The following VAV3 variants were observed in gnomAD, a reference collection of about 807,000 sequenced individuals.
VAV3 encodes vav guanine nucleotide exchange factor 3.
A neutral mutation model predicts 131.2 loss-of-function variants in VAV3; 94 were observed. That is an observed-to-expected ratio of 0.72 (90% CI 0.61 to 0.85). The LOEUF (loss-of-function observed/expected upper bound fraction) is 0.85, where lower values mean the gene tolerates loss of function less well. Among genes scored for constraint, VAV3 ranks in the 40% least tolerant of loss-of-function variants. VAV3 has a pLI of 0.00. For synonymous variants in VAV3, 349 were observed against 342.0 expected, an observed-to-expected ratio of 1.02 and a Z score of -0.22; for missense variants, 939 against 1,002.7, an observed-to-expected ratio of 0.94 and a Z score of 0.86.
chr1:107,923,121 G>C (rs1012431396), intron 1 of VAV3, among the ~76,000 whole-genome samples: 2 of 151,840 alleles, frequency 1.3e-5, no homozygotes, highest in South Asian at 4.1e-4. Flanking sequence ...ATCCCTTCCT[G>C]TCTCTAGCAT....
intron 18 of VAV3, chr1:107,686,034 T>TGGGGGGGGGGGGGGGGGGGGGGG (rs554715740): frequency 1.1e-4 from 9 of 85,068 alleles, no homozygotes; most frequent in Non-Finnish European, 1.1e-4. Context: ...GTTGGGGGGG[T>TGGGGGGGGGGGGGGGGGGGGGGG]GGGGGGGGAG....
At chr1:107,702,064 C>T (rs2101834719) in intron 17 of VAV3, among the ~76,000 whole-genome samples, 1 of 152,272 alleles carries the variant, frequency 6.6e-6, no homozygotes, top group East Asian at 1.9e-4. Flanking sequence ...ATTAGTCCGT[C>T]CTCCCACTGC....
chr1:107,617,619 G>A lies in VAV3; in HGVS notation c.1928C>T (p.Ala643Val), dbSNP rs1653256954. The change falls in exon 21 of 27, where the codon GCA becomes GTA. Residue 643 changes from alanine (A) to valine (V), a missense_variant. Physicochemically the swap from Ala to Val is moderately conservative, Grantham distance 64. Coordinates refer to ENST00000370056, the MANE Select transcript of VAV3 (RefSeq NM_006113.5). ...TGGAAAAAATCCAACCTCTCCAGAT[G>A]CTAAATTTCTGCCCTAAGGAAAAAA... is the stretch of plus-strand genomic sequence containing the variant. ...HSLFWQGRNL[A>V]SGEVGFFPSD... 6.2e-7 allele frequency: 1 copy of A among 1,604,876 alleles called. No individual in the cohort carries two copies. The highest frequency in any genetic ancestry group is 1.4e-5 in the African/African-American group (1 of 73,200).
At chr1:107,781,693 G>A (rs913447851) in intron 2 of VAV3, among the ~76,000 whole-genome samples, 1 of 152,124 alleles carries the variant, frequency 6.6e-6, no homozygotes, top group African/African-American at 2.4e-5. Context: ...CCCCTGCTGT[G>A]AGACTAGAAA....
chr1:107,863,187 T>G (rs925002996), intron 2 of VAV3, among the ~76,000 whole-genome samples: 1 of 152,168 alleles, frequency 6.6e-6, no homozygotes, highest in Admixed American at 6.6e-5. Context: ...CCTCGCCAGG[T>G]TTCCAAGGCT....
At chr1:107,828,475 C>T (rs1668108177) in intron 2 of VAV3, among the ~76,000 whole-genome samples, 1 of 152,106 alleles carries the variant, frequency 6.6e-6, no homozygotes, top group African/African-American at 2.4e-5. Context: ...ACATGCATCT[C>T]ACTTAAGCCA....
rs116467287 is a variant in VAV3 at position 107,846,000 on chromosome 1, A to C, written c.321+28901T>G. 7.8e-3 allele frequency among the ~76,000 whole-genome samples: 1,195 copies of C among 152,270 alleles called. 14 individuals carry two copies. The highest frequency in any genetic ancestry group is 0.017 in the African/African-American group (693 of 41,568). On this transcript the variant is annotated intron_variant, in intron 2 of 26. Transcript: ENST00000370056. Reference sequence around the variant, plus strand: ...AGCAACCCCAAGACAAATAATTATCAGATCCCCAAGGCAGAAATGAAGGAA... The same window carrying C: ...AGCAACCCCAAGACAAATAATTATCCGATCCCCAAGGCAGAAATGAAGGAA...
At chr1:107,704,730 A>G in intron 16 of VAV3, 80 bp from the exon 17 acceptor site, 1 of 1,244,412 alleles carries the variant, frequency 8.0e-7, no homozygotes, top group Non-Finnish European at 1.2e-6. Flanking sequence ...AAGAAGAAAA[A>G]AAGTATCAAC....
At position 107,964,717 on chromosome 1, in the gene VAV3, C is replaced by T. The variant is rs1053677347; in HGVS notation, c.153G>A (p.Arg51=). The change falls in exon 1 of 27, where the codon CGG becomes CGA. Residue 51 remains arginine, a synonymous_variant. Transcript: ENST00000370056. ...VLLCQLLNNL[R]AHSINLKEIN... ...TCTCCTTCAGGTTGATGGAGTGCGC[C>T]CGGAGGTTGTTAAGCAGCTGGCAGA... 8 of 1,613,998 alleles carry T rather than the reference C, an allele frequency of 5.0e-6. No homozygotes were observed. Among genetic ancestry groups the T allele is most frequent in the Non-Finnish European group, 6.8e-6 (8 of 1,180,014 alleles).
At chr1:107,729,803 T>C (rs573396337) in intron 15 of VAV3, among the ~76,000 whole-genome samples, 1 of 152,304 alleles carries the variant, frequency 6.6e-6, no homozygotes, top group South Asian at 2.1e-4. Flanking sequence ...AAATAATAAA[T>C]ACAAAAATTA....
At chr1:107,681,242 T>TAA (rs200596420) in intron 19 of VAV3, among the ~76,000 whole-genome samples, 6 of 151,558 alleles carry the variant, frequency 4.0e-5, no homozygotes, top group African/African-American at 1.5e-4. Flanking sequence ...AACTGTAGGA[T>TAA]AAAAAAAAAT....
chr1:107,732,308 G>C (rs1349043616), intron 15 of VAV3, among the ~76,000 whole-genome samples: 1 of 152,204 alleles, frequency 6.6e-6, no homozygotes, highest in Non-Finnish European at 1.5e-5. Flanking sequence ...CGCAGAAGAC[G>C]GGTGATTTCT....
chr1:107,642,434 A>C (rs1440206754), intron 20 of VAV3, among the ~76,000 whole-genome samples, 185 bp downstream of exon 20: 1 of 152,180 alleles, frequency 6.6e-6, no homozygotes, highest in Non-Finnish European at 1.5e-5. Context: ...TAACCATAAA[A>C]ATGGGCAACC....
intron 2 of VAV3, among the ~76,000 whole-genome samples, chr1:107,801,064 T>A (rs1666806705): frequency 6.6e-6 from 1 of 152,180 alleles, no homozygotes; most frequent in African/African-American, 2.4e-5. Flanking sequence ...TACTACTTAT[T>A]AAAGAAACCA....
rs888061475 is a variant in VAV3 at position 107,688,807 on chromosome 1, T to C, written c.1706-401A>G. 2.6e-5 allele frequency among the ~76,000 whole-genome samples: 4 copies of C among 152,232 alleles called. No individual in the cohort carries two copies. In the East Asian group the frequency reaches 7.7e-4, roughly 29 times the overall value. Reference sequence around the variant, plus strand: ...AAAAACACTAAGCTAACAAAGGTACTGCATTGACGATTTGTAACAATAGCA... The same window carrying C: ...AAAAACACTAAGCTAACAAAGGTACCGCATTGACGATTTGTAACAATAGCA... On this transcript the variant is annotated intron_variant, in intron 17 of 26. Coordinates refer to ENST00000370056, the MANE Select transcript of VAV3 (RefSeq NM_006113.5).
intron 25 of VAV3, among the ~76,000 whole-genome samples, chr1:107,586,138 AGT>A (rs1650469134): frequency 1.8e-5 from 1 of 55,196 alleles, no homozygotes; most frequent in African/African-American, 4.7e-5. Flanking sequence ...CCCTTGGCAT[AGT>A]TTTTTTTTTT....
chr1:107,839,478 T>A (rs943428434), intron 2 of VAV3, among the ~76,000 whole-genome samples: 3 of 152,108 alleles, frequency 2.0e-5, no homozygotes, highest in Non-Finnish European at 4.4e-5. Flanking sequence ...TTTAACTACA[T>A]GAAAATCAAG....
chr1:107,907,727 A>G (rs962343578), intron 1 of VAV3, among the ~76,000 whole-genome samples: 4 of 151,454 alleles, frequency 2.6e-5, no homozygotes, highest in African/African-American at 9.7e-5. Flanking sequence ...TTGCCCTTCC[A>G]CCTTCCACCT....
chr1:107,813,828 G>A (rs1242747855), intron 2 of VAV3, among the ~76,000 whole-genome samples: 1 of 151,784 alleles, frequency 6.6e-6, no homozygotes, highest in Non-Finnish European at 1.5e-5. Context: ...CAACTTTTTG[G>A]TTCCCACATA....
Sources: allele counts gnomAD v4.1 joint callset (sites outside exome capture counted in the v4.1 genomes callset), GRCh38; gene constraint gnomAD v4.1.1; transcripts MANE v1.5; gene names NCBI Gene and HGNC (gene_info 2026-07-23, HGNC 2026-07-21).